Variants in SLC6A15 observed in about 807,000 individuals in gnomAD.
SLC6A15 encodes sodium-dependent neutral amino acid transporter B(0)AT2.
A neutral mutation model predicts 68.5 loss-of-function variants in SLC6A15; 33 were observed. That is an observed-to-expected ratio of 0.48 (90% confidence interval 0.37 to 0.64). SLC6A15 has a LOEUF of 0.64. SLC6A15 is among the 30% of genes least tolerant of loss of function. The probability of loss-of-function intolerance (pLI) is 0.00; values close to 1 mark genes in which losing one functional copy is unlikely to be tolerated. For missense variants in SLC6A15, 747 were observed against 874.3 expected, an observed-to-expected ratio of 0.85 and a Z score of 1.84; for synonymous variants, 347 against 301.0, an observed-to-expected ratio of 1.15 and a Z score of -1.58.
At chr12:84,889,026 G>A (rs1194649402) in intron 2 of SLC6A15, among the ~76,000 whole-genome samples, 1 of 152,042 alleles carries the variant, frequency 6.6e-6, no homozygotes, top group Non-Finnish European at 1.5e-5. Context: ...TCCTCATTCC[G>A]GAGACGTCCT....
chr12:84,874,533 G>T (rs563210677), intron 6 of SLC6A15: 1 of 152,228 alleles, frequency 6.6e-6, no homozygotes, highest in South Asian at 2.1e-4. Flanking sequence ...AAGAACATAG[G>T]TAGATTCCAA....
intron 8 of SLC6A15, 118 bp from the exon 9 acceptor site, chr12:84,870,788 G>C: frequency 1.7e-6 from 1 of 571,574 alleles, no homozygotes. Flanking sequence ...GCTGGAAATA[G>C]ACATGCTCAA....
chr12:84,898,143 C>G (rs1872707258), intron 1 of SLC6A15, among the ~76,000 whole-genome samples: 1 of 152,270 alleles, frequency 6.6e-6, no homozygotes. Flanking sequence ...AGTTCAAGAC[C>G]AGCCTGGCCA....
intron 9 of SLC6A15, chr12:84,867,797 G>A (rs994377667): frequency 3.9e-5 from 6 of 152,128 alleles, no homozygotes; most frequent in African/African-American, 1.4e-4. Context: ...TTATAATGGA[G>A]TTGAGCAATC....
Position 84,861,522 on chromosome 12 carries a change from C to A in SLC6A15, c.*110G>T, listed in dbSNP as rs577575355. On this transcript the variant is annotated 3_prime_UTR_variant, in exon 12 of 12. Transcript: ENST00000266682. ...CTGTTAGGATTAAAGATCACAGCCA[C>A]GGAACACCTGAGATTGCCCTCTGAT... 152 of 1,249,818 alleles carry A rather than the reference C, an allele frequency of 1.2e-4. 2 individuals carry two copies. In the South Asian group the frequency reaches 2.1e-3, roughly 17 times the overall value. 77.4% of individuals were successfully genotyped at this position (1,249,818 alleles called of 1,614,324 possible).
chr12:84,884,108 A>G (rs1011495803), intron 4 of SLC6A15, 68 bp from the exon 5 acceptor site: 3 of 1,315,378 alleles, frequency 2.3e-6, no homozygotes, highest in Admixed American at 1.9e-5. Flanking sequence ...TTCTTTTCCA[A>G]TAAACCTGTA....
intron 6 of SLC6A15, among the ~76,000 whole-genome samples, chr12:84,875,649 C>A (rs1384221601): frequency 2.7e-5 from 2 of 74,174 alleles, no homozygotes; most frequent in Non-Finnish European, 5.1e-5. Flanking sequence ...TGGGGTGCAC[C>A]ATATATATAT....
rs182243011 is a variant in SLC6A15 at position 84,882,491 on chromosome 12, A to G, written c.756+1368T>C. ...TAAAATCAGCTACAATTTACAAGTT[A>G]AAAAGTCACTAAAATTTTTAATTAA... On this transcript the variant is annotated intron_variant, in intron 5 of 11. Transcript: ENST00000266682. The G allele has an allele frequency of 4.9e-5, 45 of 918,528 alleles. No homozygotes were observed. In the African/African-American group the frequency reaches 7.0e-4, roughly 14 times the overall value. 56.9% of individuals were successfully genotyped at this position (918,528 alleles called of 1,614,324 possible). A position where few individuals can be genotyped will look rare whatever the true frequency, so the allele number is the denominator to read the frequency against.
In SLC6A15 at chr12:84,859,491, T is replaced by C. The variant is rs911861265; in HGVS notation, c.*2141A>G. The C allele has an allele frequency of 6.6e-6, 1 of 151,950 alleles. No homozygotes were observed. The highest frequency in any genetic ancestry group is 1.5e-5 in the Non-Finnish European group (1 of 67,934). The allele number at this position is 151,950 out of a possible 1,614,324, so 9.4% of individuals were successfully genotyped here. On this transcript the variant is annotated 3_prime_UTR_variant, in exon 12 of 12. Coordinates refer to ENST00000266682, the MANE Select transcript of SLC6A15 (RefSeq NM_182767.6). Reference sequence around the variant, plus strand: ...TTATGTATATCAAAACAGCATATTGTACACCTTAGATATATACTTTATTTG... The same window carrying C: ...TTATGTATATCAAAACAGCATATTGCACACCTTAGATATATACTTTATTTG...
chr12:84,899,589 T>C (rs1455488033), intron 1 of SLC6A15, among the ~76,000 whole-genome samples: 1 of 152,168 alleles, frequency 6.6e-6, no homozygotes, highest in Non-Finnish European at 1.5e-5. Flanking sequence ...ACTGCCAATA[T>C]TACTTTTCTT....
At chr12:84,900,875 T>C (rs1168884885) in intron 1 of SLC6A15, among the ~76,000 whole-genome samples, 1 of 150,394 alleles carries the variant, frequency 6.6e-6, no homozygotes, top group Non-Finnish European at 1.5e-5. Context: ...ACTACATTCA[T>C]AGGAAAGTGG....
chr12:84,902,070 C>G (rs1431633704), intron 1 of SLC6A15, among the ~76,000 whole-genome samples: 2 of 151,574 alleles, frequency 1.3e-5, no homozygotes, highest in Non-Finnish European at 3.0e-5. Flanking sequence ...TCATGAAATA[C>G]TGAAATAATA....
At chr12:84,869,090 A>G (rs1871178128) in intron 9 of SLC6A15, among the ~76,000 whole-genome samples, 1 of 152,212 alleles carries the variant, frequency 6.6e-6, no homozygotes, top group Non-Finnish European at 1.5e-5. Flanking sequence ...ACATACAGAC[A>G]TAATTATCAG....
In SLC6A15 at chr12:84,861,815, C is replaced by T. The variant is rs150080808; in HGVS notation, c.2010G>A (p.Glu670=). 1.2e-4 allele frequency: 186 copies of T among 1,613,954 alleles called. No individual in the cohort carries two copies. The African/African-American group carries it at 1.8e-3, about 16-fold the overall frequency. ...GRVLKEPVNL[E]GDDTSLIHGK... ...CGTGAATGAGGCTTGTATCATCGCC[C>T]TCTAAGTTCACAGGCTCTTTCAGGA... The change falls in exon 12 of 12, where the codon GAG becomes GAA. Residue 670 remains glutamate (E), a synonymous_variant. Coordinates refer to ENST00000266682, the MANE Select transcript of SLC6A15 (RefSeq NM_182767.6).
At chr12:84,864,444 C>T (rs1478785134) in intron 10 of SLC6A15, among the ~76,000 whole-genome samples, 3 of 151,508 alleles carry the variant, frequency 2.0e-5, no homozygotes, top group East Asian at 1.9e-4. Context: ...CTCAGCCTCC[C>T]GAGTAGCTGG....
intron 1 of SLC6A15, among the ~76,000 whole-genome samples, chr12:84,910,509 A>G (rs2120754897): frequency 6.6e-6 from 1 of 152,328 alleles, no homozygotes; most frequent in East Asian, 1.9e-4. Flanking sequence ...ACTGTTTGTT[A>G]GTCCAAACTG....
intron 4 of SLC6A15, 51 bp from the exon 5 acceptor site, chr12:84,884,091 C>T (rs578101100): frequency 2.0e-5 from 29 of 1,474,554 alleles, no homozygotes; most frequent in Admixed American, 1.8e-4. Flanking sequence ...AAGAGCAATG[C>T]GACAATTTCT....
chr12:84,882,026 T>C (rs890770803), intron 5 of SLC6A15: 49 of 982,162 alleles, frequency 5.0e-5, no homozygotes, highest in Admixed American at 6.1e-5. Context: ...ACATTTTCTA[T>C]ATAAATTTAC....
At chr12:84,875,237 G>T (rs1367542310) in intron 6 of SLC6A15, among the ~76,000 whole-genome samples, 1 of 151,760 alleles carries the variant, frequency 6.6e-6, no homozygotes, top group Non-Finnish European at 1.5e-5. Flanking sequence ...GTCATTAAGT[G>T]TGGCCCATTT....
Sources: gnomAD v4.1 joint callset for allele counts (sites outside exome capture counted in the v4.1 genomes callset) on GRCh38, gnomAD v4.1.1 for gene constraint, MANE v1.5 for transcripts, NCBI Gene and HGNC (gene_info 2026-07-23, HGNC 2026-07-21) for gene names.